Variants in C7orf33 observed in about 807,000 individuals in gnomAD.
C7orf33 encodes the protein chromosome 7 open reading frame 33.
A neutral mutation model predicts 13.4 loss-of-function variants in C7orf33; 15 were observed. That is an observed-to-expected ratio of 1.12 (90% CI 0.75 to 1.72). The LOEUF (loss-of-function observed/expected upper bound fraction) is 1.72. C7orf33 is among the 40% of genes most tolerant of loss of function. The pLI, the probability that C7orf33 is intolerant of heterozygous loss-of-function variation, is 0.00. For synonymous variants in C7orf33, 73 were observed against 83.2 expected (o/e 0.88, Z 0.67); for missense variants, 187 against 220.3 (o/e 0.85, Z 0.96).
chr7:148,594,472 G>C (rs891584459), intron 1 of C7orf33, among the ~76,000 whole-genome samples: 2 of 152,084 alleles, frequency 1.3e-5, no homozygotes, highest in African/African-American at 4.8e-5. Context: ...CACCGCGCCC[G>C]ACCAACCTCT....
chr7:148,612,590 A>G (rs1796556502), intron 1 of C7orf33, among the ~76,000 whole-genome samples: 1 of 152,210 alleles, frequency 6.6e-6, no homozygotes, highest in Non-Finnish European at 1.5e-5. Context: ...ATGAACAGAT[A>G]TGTCTCCAGA....
intron 1 of C7orf33, among the ~76,000 whole-genome samples, chr7:148,601,348 A>AT (rs937260340): frequency 4.6e-5 from 7 of 151,574 alleles, no homozygotes; most frequent in Admixed American, 6.6e-5. Context: ...AGCTTTTAAA[A>AT]TTTTTTTTAT....
chr7:148,604,861 A>T (rs1023489859), intron 1 of C7orf33, among the ~76,000 whole-genome samples: 2 of 152,386 alleles, frequency 1.3e-5, no homozygotes, highest in African/African-American at 4.8e-5. Flanking sequence ...TATATAGCAC[A>T]TGCTTCAACA....
At chr7:148,610,296 G>T (rs1195053872) in intron 1 of C7orf33, among the ~76,000 whole-genome samples, 1 of 152,126 alleles carries the variant, frequency 6.6e-6, no homozygotes, top group Non-Finnish European at 1.5e-5. Context: ...GGCTGGGAAA[G>T]GCAGACCACC....
intron 1 of C7orf33, among the ~76,000 whole-genome samples, chr7:148,613,579 T>A (rs59092742): frequency 0.026 from 3,940 of 152,320 alleles, 185 homozygotes; most frequent in African/African-American, 0.089. Flanking sequence ...TACTACATGT[T>A]TGATTCTATT....
chr7:148,607,235 G>C (rs1371158296), intron 1 of C7orf33, among the ~76,000 whole-genome samples: 1 of 152,156 alleles, frequency 6.6e-6, no homozygotes, highest in Non-Finnish European at 1.5e-5. Flanking sequence ...TGTTCAGGTA[G>C]ATTCCTCTGG....
Position 148,591,041 on chromosome 7 carries a change from G to C in C7orf33, c.116G>C (p.Arg39Pro). 6.2e-7 allele frequency: 1 copy of C among 1,614,126 alleles called. No individual in the cohort carries two copies. Among genetic ancestry groups the C allele is most frequent in the South Asian group, 1.1e-5 (1 of 91,072 alleles). The change falls in exon 1 of 3, where the codon CGC (arginine) becomes CCC (proline). Residue 39 changes from arginine to proline, a missense_variant. By Grantham distance (103) the Arg-to-Pro change is moderately radical. Coordinates refer to ENST00000307003, the MANE Select transcript of C7orf33 (RefSeq NM_145304.4). ...PSGARRRIDLRLSGRAVAVWV... is the reference protein window; with the variant it reads ...PSGARRRIDLPLSGRAVAVWV... ...GGGGCAAGGCGCCGGATTGACCTTC[G>C]CCTGAGTGGGAGGGCAGTCGCTGTT...
intron 1 of C7orf33, among the ~76,000 whole-genome samples, chr7:148,597,308 G>A (rs576471073): frequency 1.3e-5 from 2 of 151,976 alleles, no homozygotes; most frequent in African/African-American, 4.8e-5. Context: ...TTGAGATGGA[G>A]TTTCACTCTG....
intron 1 of C7orf33, among the ~76,000 whole-genome samples, chr7:148,597,831 C>T (rs1156298725): frequency 6.6e-6 from 1 of 152,174 alleles, no homozygotes; most frequent in Non-Finnish European, 1.5e-5. Context: ...TCTCAGCTTA[C>T]TGCAAGCTCC....
intron 1 of C7orf33, among the ~76,000 whole-genome samples, chr7:148,605,623 C>A (rs1796463977): frequency 6.6e-6 from 1 of 152,204 alleles, no homozygotes; most frequent in Non-Finnish European, 1.5e-5. Flanking sequence ...GCAGACCTGA[C>A]CTCATACGGC....
In C7orf33 at chr7:148,615,720, C is replaced by T. The variant is rs1203321092; in HGVS notation, c.*319C>T. ...CAGAGGACCTGGATAGAGATGTTTCCCTGACCATTGTCTGCTGTGTGCTCC... is the reference window on the plus strand; with the variant it reads ...CAGAGGACCTGGATAGAGATGTTTCTCTGACCATTGTCTGCTGTGTGCTCC... On this transcript the variant is annotated 3_prime_UTR_variant, in exon 3 of 3. Coordinates refer to ENST00000307003, the MANE Select transcript of C7orf33 (RefSeq NM_145304.4). 3 of 259,728 alleles carry T rather than the reference C, an allele frequency of 1.2e-5. No homozygotes were observed. Among genetic ancestry groups the T allele is most frequent in the Non-Finnish European group, 7.6e-6 (1 of 131,296 alleles). 16.1% of individuals were successfully genotyped at this position (259,728 alleles called of 1,614,324 possible).
chr7:148,614,422 T>A, intron 2 of C7orf33, 126 bp downstream of exon 2: 1 of 1,101,890 alleles, frequency 9.1e-7, no homozygotes, highest in Non-Finnish European at 1.3e-6. Context: ...TCATATTCTC[T>A]GAATGTCCAG....
intron 1 of C7orf33, among the ~76,000 whole-genome samples, chr7:148,601,118 G>C (rs1344424402): frequency 6.6e-6 from 1 of 151,926 alleles, no homozygotes; most frequent in Non-Finnish European, 1.5e-5. Context: ...ACTTCTTTAA[G>C]ATCATTCTTT....
At chr7:148,604,099 A>T (rs572657138) in intron 1 of C7orf33, among the ~76,000 whole-genome samples, 1 of 151,238 alleles carries the variant, frequency 6.6e-6, no homozygotes, top group Non-Finnish European at 1.5e-5. Flanking sequence ...AGCAACCTGG[A>T]TGGAATTAGG....
intron 1 of C7orf33, among the ~76,000 whole-genome samples, chr7:148,594,020 G>T (rs1360942818): frequency 1.3e-5 from 2 of 152,032 alleles, no homozygotes; most frequent in Non-Finnish European, 2.9e-5. Context: ...ACCTTCTCTT[G>T]CTTTCTTGCT....
chr7:148,592,281 A>C (rs1282782573), intron 1 of C7orf33, among the ~76,000 whole-genome samples: 2 of 152,220 alleles, frequency 1.3e-5, no homozygotes, highest in African/African-American at 4.8e-5. Flanking sequence ...TCAGATGCAG[A>C]CAGCCCATGT....
At chr7:148,600,744 C>T (rs1266450108) in intron 1 of C7orf33, among the ~76,000 whole-genome samples, 1 of 151,518 alleles carries the variant, frequency 6.6e-6, no homozygotes, top group East Asian at 1.9e-4. Flanking sequence ...TTTCAAAGGA[C>T]CAGCTTTGGG....
Position 148,614,187 on chromosome 7 carries a change from G to A in C7orf33, c.350G>A (p.Arg117Lys), listed in dbSNP as rs1176806297. ...QRAVRIRPGT[R>K]MGLSSDPVVG... Reference sequence around the variant, plus strand: ...GCAGTCAGAATCAGGCCAGGCACCAGGATGGGCTTGTCCTCAGATCCAGTT... The same window carrying A: ...GCAGTCAGAATCAGGCCAGGCACCAAGATGGGCTTGTCCTCAGATCCAGTT... The change falls in exon 2 of 3, where the codon AGG becomes AAG. Residue 117 changes from arginine (R) to lysine (K), a missense_variant. By Grantham distance (26) the Arg-to-Lys change is conservative. Coordinates refer to ENST00000307003, the MANE Select transcript of C7orf33 (RefSeq NM_145304.4). 2.4e-5 allele frequency: 38 copies of A among 1,614,094 alleles called. No individual in the cohort carries two copies. In the Admixed American group the frequency reaches 6.3e-4, roughly 27 times the overall value.
At chr7:148,609,055 A>G (rs2116901313) in intron 1 of C7orf33, among the ~76,000 whole-genome samples, 1 of 150,370 alleles carries the variant, frequency 6.7e-6, no homozygotes, top group Admixed American at 6.7e-5. Context: ...AGGGGTTTTC[A>G]TGTGTGTGAA....
Sources: allele counts gnomAD v4.1 joint callset (sites outside exome capture counted in the v4.1 genomes callset), GRCh38; gene constraint gnomAD v4.1.1; transcripts MANE v1.5; gene names NCBI Gene and HGNC (gene_info 2026-07-23, HGNC 2026-07-21).